Variants in ADAM32 observed in about 807,000 individuals in gnomAD.
The protein encoded by ADAM32 is ADAM metallopeptidase domain 32.
A neutral mutation model predicts 114.9 loss-of-function variants in ADAM32; 89 were observed. That is an observed-to-expected ratio of 0.77 (90% CI 0.65 to 0.92). The LOEUF is 0.92. Ranked by LOEUF, ADAM32 falls within the 40% of genes least tolerant of loss-of-function variation. The probability of loss-of-function intolerance (pLI) is 0.00; values close to 1 mark genes in which losing one functional copy is unlikely to be tolerated. For missense variants in ADAM32, 870 were observed against 932.8 expected, an observed-to-expected ratio of 0.93 and a Z score of 0.88; for synonymous variants, 285 against 307.5, an observed-to-expected ratio of 0.93 and a Z score of 0.77.
At chr8:39,108,553 T>C (rs917524929) in intron 1 of ADAM32, among the ~76,000 whole-genome samples, 1 of 152,186 alleles carries the variant, frequency 6.6e-6, no homozygotes, top group East Asian at 1.9e-4. Flanking sequence ...ACTGTGGTTA[T>C]CTCCAAACAA....
intron 2 of ADAM32, among the ~76,000 whole-genome samples, chr8:39,134,162 C>T (rs1802637023): frequency 6.6e-6 from 1 of 152,184 alleles, no homozygotes; most frequent in Admixed American, 6.5e-5. Context: ...GGCTCCAGGG[C>T]TGAGGAAATG....
At chr8:39,132,554 A>G (rs1016358538) in intron 2 of ADAM32, among the ~76,000 whole-genome samples, 1 of 152,204 alleles carries the variant, frequency 6.6e-6, no homozygotes, top group Non-Finnish European at 1.5e-5. Flanking sequence ...TTTTAAAGAC[A>G]TTGAAAAGAG....
Position 39,118,080 on chromosome 8 carries a change from C to A in ADAM32, c.59-6C>A. On this transcript the variant is annotated splice_polypyrimidine_tract_variant and splice_region_variant and intron_variant, in intron 1 of 24. Transcript: ENST00000379907. ...TACTAACTTTTTTTTTTTTTTATCT[C>A]TTCAGGTTTTCAAAATTCACTTCTA... 7.1e-7 allele frequency: 1 copy of A among 1,417,260 alleles called. No individual in the cohort carries two copies. Among genetic ancestry groups the A allele is most frequent in the Non-Finnish European group, 9.4e-7 (1 of 1,069,498 alleles). 87.8% of individuals were successfully genotyped at this position (1,417,260 alleles called of 1,614,324 possible). A position where few individuals can be genotyped will look rare whatever the true frequency, so the allele number is the denominator to read the frequency against.
intron 8 of ADAM32, 33 bp downstream of exon 8, chr8:39,164,868 G>A: frequency 1.9e-6 from 3 of 1,571,582 alleles, no homozygotes; most frequent in Non-Finnish European, 2.6e-6. Flanking sequence ...TAAAATAATT[G>A]TTGTTTTGAA....
At chr8:39,242,072 G>A (rs780158381) in intron 16 of ADAM32, among the ~76,000 whole-genome samples, 1 of 152,066 alleles carries the variant, frequency 6.6e-6, no homozygotes, top group Non-Finnish European at 1.5e-5. Context: ...AATCTCTAGG[G>A]CATGGACAAA....
At chr8:39,150,796 G>A (rs1803776543) in intron 5 of ADAM32, among the ~76,000 whole-genome samples, 1 of 152,062 alleles carries the variant, frequency 6.6e-6, no homozygotes. Context: ...TTAAAATCTT[G>A]CTTTTAATTT....
chr8:39,180,208 A>G (rs1381389287), intron 10 of ADAM32, among the ~76,000 whole-genome samples: 1 of 152,128 alleles, frequency 6.6e-6, no homozygotes, highest in African/African-American at 2.4e-5. Context: ...CCGCACTCGG[A>G]GCAGCGGGCC....
chr8:39,246,886 C>T (rs949135832), intron 17 of ADAM32, among the ~76,000 whole-genome samples: 3 of 152,190 alleles, frequency 2.0e-5, no homozygotes, highest in South Asian at 2.1e-4. Flanking sequence ...CCTTGGCAAC[C>T]ACTTATCTTA....
intron 11 of ADAM32, among the ~76,000 whole-genome samples, chr8:39,200,377 G>A (rs1326379959): frequency 2.0e-5 from 3 of 152,192 alleles, no homozygotes; most frequent in East Asian, 1.9e-4. Flanking sequence ...AGCCAGTGAT[G>A]ATGAGCATTT....
At chr8:39,232,635 A>T (rs568035960) in intron 15 of ADAM32, among the ~76,000 whole-genome samples, 1 of 152,208 alleles carries the variant, frequency 6.6e-6, no homozygotes. Context: ...ACTCATAAAC[A>T]TACCATAAAG....
chr8:39,267,707 C>CAGT (rs1812454145), intron 19 of ADAM32, among the ~76,000 whole-genome samples: 1 of 152,204 alleles, frequency 6.6e-6, no homozygotes, highest in African/African-American at 2.4e-5. Context: ...ATTTCTAACA[C>CAGT]AGCTTGTCCC....
At chr8:39,199,264 T>C (rs549621295) in intron 11 of ADAM32, among the ~76,000 whole-genome samples, 2 of 152,352 alleles carry the variant, frequency 1.3e-5, no homozygotes, top group South Asian at 4.1e-4. Context: ...TTGCAAAACT[T>C]TGGAGAGTTT....
chr8:39,172,419 A>G (rs1805257530), intron 10 of ADAM32, among the ~76,000 whole-genome samples: 1 of 152,170 alleles, frequency 6.6e-6, no homozygotes, highest in African/African-American at 2.4e-5. Flanking sequence ...TTCTGCACCT[A>G]TCAACCTATC....
chr8:39,240,644 G>A lies in ADAM32; in HGVS notation c.1819-5439G>A, dbSNP rs141677789. Among the ~76,000 whole-genome samples, 864 of 152,356 alleles carry A rather than the reference G, an allele frequency of 5.7e-3. 2 individuals carry two copies. The highest frequency in any genetic ancestry group is 9.0e-3 in the Non-Finnish European group (614 of 68,040). ...AATCATGGCAGAAGGTGAAAGGCAT[G>A]TCTCACATGGAGGCAGACAGGAGAA... On this transcript the variant is annotated intron_variant, in intron 16 of 24. Coordinates refer to ENST00000379907, the MANE Select transcript of ADAM32 (RefSeq NM_145004.7).
At chr8:39,282,967 G>C (rs1813521623) in intron 23 of ADAM32, among the ~76,000 whole-genome samples, 1 of 152,078 alleles carries the variant, frequency 6.6e-6, no homozygotes, top group African/African-American at 2.4e-5. Context: ...AAGTAAAATT[G>C]TGCATTATCA....
chr8:39,164,682 C>T, intron 7 of ADAM32, 82 bp from the exon 8 acceptor site: 2 of 1,080,228 alleles, frequency 1.9e-6, no homozygotes, highest in East Asian at 2.7e-5. Context: ...CAGCCTTACA[C>T]CTCTGACAGT....
chr8:39,206,798 G>A (rs1436751280), intron 11 of ADAM32, among the ~76,000 whole-genome samples: 1 of 152,142 alleles, frequency 6.6e-6, no homozygotes, highest in Non-Finnish European at 1.5e-5. Context: ...TGGGATGATA[G>A]GGATGTGGAG....
intron 2 of ADAM32, among the ~76,000 whole-genome samples, chr8:39,134,121 C>T (rs768943706): frequency 5.3e-5 from 8 of 152,104 alleles, no homozygotes; most frequent in Non-Finnish European, 2.9e-5. Flanking sequence ...CTGCTGCAGC[C>T]CTCTGGGTGG....
intron 12 of ADAM32, among the ~76,000 whole-genome samples, chr8:39,218,402 C>T (rs1223291415): frequency 6.6e-6 from 1 of 152,186 alleles, no homozygotes; most frequent in East Asian, 1.9e-4. Context: ...CCCTGGAGCT[C>T]CACGATCAGC....
Sources: gnomAD v4.1 joint callset for allele counts (sites outside exome capture counted in the v4.1 genomes callset) on GRCh38, gnomAD v4.1.1 for gene constraint, MANE v1.5 for transcripts, NCBI Gene and HGNC (gene_info 2026-07-23, HGNC 2026-07-21) for gene names.